The following PEAK1 variants were observed in gnomAD, a reference collection of about 807,000 sequenced individuals.
PEAK1 encodes pseudopodium enriched atypical kinase 1.
A neutral mutation model predicts 124.7 loss-of-function variants in PEAK1; 54 were observed. That is an observed-to-expected ratio of 0.43 (90% confidence interval 0.35 to 0.54). PEAK1 has a LOEUF of 0.54. PEAK1 is among the 20% of genes least tolerant of loss of function. The pLI, the probability that PEAK1 is intolerant of heterozygous loss-of-function variation, is 0.01. For synonymous variants in PEAK1, 719 were observed against 760.0 expected (o/e 0.95, Z 0.89); for missense variants, 2,046 against 2,134.5 (o/e 0.96, Z 0.82).
chr15:77,150,551 G>A (rs921864103), intron 8 of PEAK1, among the ~76,000 whole-genome samples: 1 of 151,876 alleles, frequency 6.6e-6, no homozygotes, highest in African/African-American at 2.4e-5. Context: ...TAGGGTACAT[G>A]TGCACAAAGT....
intron 1 of PEAK1, among the ~76,000 whole-genome samples, chr15:77,365,555 T>C (rs534506163): frequency 1.3e-5 from 2 of 152,226 alleles, no homozygotes; most frequent in South Asian, 2.1e-4. Context: ...CTGGCCAATG[T>C]GGCGAAACCG....
intron 1 of PEAK1, among the ~76,000 whole-genome samples, chr15:77,400,542 TG>T (rs571436719): frequency 5.8e-4 from 89 of 152,162 alleles, no homozygotes; most frequent in South Asian, 2.3e-3. Context: ...TTATGTTATG[TG>T]AAATAAGCCA....
chr15:77,284,918 ACAC>A (rs1303443937), intron 4 of PEAK1, 37 bp downstream of exon 4: 3 of 152,658 alleles, frequency 2.0e-5, no homozygotes, highest in African/African-American at 7.3e-5. Context: ...ACACACACAC[ACAC>A]ACACACACAC....
At chr15:77,295,901 A>G (rs1271293388) in intron 2 of PEAK1, among the ~76,000 whole-genome samples, 1 of 152,188 alleles carries the variant, frequency 6.6e-6, no homozygotes, top group Non-Finnish European at 1.5e-5. Flanking sequence ...TCAACAGTGA[A>G]TATTTCTTCT....
chr15:77,340,305 C>G lies in PEAK1; in HGVS notation c.-603+24858G>C, dbSNP rs183062985. On this transcript the variant is annotated intron_variant, in intron 2 of 9. Transcript: ENST00000682557. Reference sequence around the variant, plus strand: ...TCAGGAATAAAAATAAATGAACTATCAAACCATAGAACATACAGGAAGCTT... The same window carrying G: ...TCAGGAATAAAAATAAATGAACTATGAAACCATAGAACATACAGGAAGCTT... Among the ~76,000 whole-genome samples the G allele has an allele frequency of 2.0e-3, 309 of 152,230 alleles. 3 individuals are homozygous for G. The Middle Eastern group carries it at 0.041, about 20-fold the overall frequency.
chr15:77,169,450 G>A (rs187718399), intron 7 of PEAK1, among the ~76,000 whole-genome samples: 1 of 152,276 alleles, frequency 6.6e-6, no homozygotes, highest in African/African-American at 2.4e-5. Context: ...ATAACCAAGT[G>A]TTATTGGTTA....
intron 5 of PEAK1, among the ~76,000 whole-genome samples, chr15:77,265,944 A>C (rs2152947555): frequency 6.6e-6 from 1 of 152,346 alleles, no homozygotes; most frequent in African/African-American, 2.4e-5. Context: ...TGAGGAGTTC[A>C]TGTCCTTTGT....
chr15:77,215,575 TA>T (rs1211506373), intron 6 of PEAK1, among the ~76,000 whole-genome samples: 1 of 152,146 alleles, frequency 6.6e-6, no homozygotes, highest in Non-Finnish European at 1.5e-5. Context: ...GGAATGACAA[TA>T]AAAAGTCTGT....
intron 5 of PEAK1, among the ~76,000 whole-genome samples, chr15:77,279,405 C>T (rs985309536): frequency 1.3e-5 from 2 of 152,104 alleles, no homozygotes; most frequent in African/African-American, 4.8e-5. Context: ...ATAGACTTAA[C>T]TCCCTTTAAC....
Position 77,113,679 on chromosome 15 carries a change from T to C in PEAK1, c.*477A>G, listed in dbSNP as rs1867781. On this transcript the variant is annotated 3_prime_UTR_variant, in exon 10 of 10. Coordinates refer to ENST00000682557, the MANE Select transcript of PEAK1 (RefSeq NM_001385026.1). ...GCAGTCCTGCCTAGTAAGTCAGTTG[T>C]TGACACCTTAAAGGAAGAGTCTGTT... 836 of 160,318 alleles carry C rather than the reference T, an allele frequency of 5.2e-3. 8 individuals carry two copies. The highest frequency in any genetic ancestry group is 0.019 in the African/African-American group (784 of 41,642). The allele number at this position is 160,318 out of a possible 1,614,324, so 9.9% of individuals were successfully genotyped here.
rs1596486333 is a variant in PEAK1, at chr15:77,179,373, T to G, written c.2554A>C (p.Thr852Pro). ...GTCACTAATTTGGAGGGAGAGGGGG[T>G]GACTGGCTTTATGGATGGGTCTTTC... is the stretch of plus-strand genomic sequence containing the variant. ...VQKDPSIKPV[T>P]PSPSKLVTSP... The change falls in exon 7 of 10, where the codon ACC (threonine) becomes CCC (proline). Residue 852 changes from threonine to proline, a missense_variant. Transcript: ENST00000682557. 6.2e-7 allele frequency: 1 copy of G among 1,613,484 alleles called. No homozygotes were observed. The highest frequency in any genetic ancestry group is 1.3e-5 in the African/African-American group (1 of 74,698).
intron 1 of PEAK1, among the ~76,000 whole-genome samples, chr15:77,368,328 CAACATTATGA>C (rs1242805999): frequency 6.6e-6 from 1 of 151,924 alleles, no homozygotes; most frequent in Non-Finnish European, 1.5e-5. Flanking sequence ...CCAGCCTGGC[CAACATTATGA>C]AACCCCGTCT....
At chr15:77,125,673 AC>A (rs1450842135) in intron 9 of PEAK1, among the ~76,000 whole-genome samples, 1 of 152,222 alleles carries the variant, frequency 6.6e-6, no homozygotes, top group East Asian at 1.9e-4. Flanking sequence ...ACAGATTTAA[AC>A]CCAGGTCTGT....
At chr15:77,287,497 G>T (rs537105099) in intron 2 of PEAK1, among the ~76,000 whole-genome samples, 1 of 152,270 alleles carries the variant, frequency 6.6e-6, no homozygotes, top group South Asian at 2.1e-4. Context: ...AAAGGATAAA[G>T]TTGTCCTCCT....
chr15:77,171,160 T>C (rs774340814), intron 7 of PEAK1, among the ~76,000 whole-genome samples: 3 of 152,178 alleles, frequency 2.0e-5, no homozygotes, highest in South Asian at 2.1e-4. Context: ...ATCTACAAGA[T>C]AAAAGCCAAA....
intron 9 of PEAK1, among the ~76,000 whole-genome samples, chr15:77,128,893 G>A (rs961866900): frequency 6.6e-6 from 1 of 152,178 alleles, no homozygotes; most frequent in Non-Finnish European, 1.5e-5. Context: ...GGAGCTGTTG[G>A]AATGTGTTTT....
chr15:77,369,349 G>A (rs144853364), intron 1 of PEAK1, among the ~76,000 whole-genome samples: 1 of 152,064 alleles, frequency 6.6e-6, no homozygotes, highest in Non-Finnish European at 1.5e-5. Flanking sequence ...TTAGCTTCTC[G>A]ACCCTTAGAA....
intron 2 of PEAK1, chr15:77,333,345 A>G: frequency 1.0e-6 from 1 of 983,110 alleles, no homozygotes; most frequent in Non-Finnish European, 1.2e-6. Flanking sequence ...ACTTCTATAT[A>G]CAACCAACAT....
chr15:77,329,318 C>T (rs2065764695), intron 2 of PEAK1, among the ~76,000 whole-genome samples: 1 of 152,150 alleles, frequency 6.6e-6, no homozygotes, highest in Non-Finnish European at 1.5e-5. Context: ...TCAACCTTAC[C>T]ACTGAAAGCA....
Sources: allele counts gnomAD v4.1 joint callset (sites outside exome capture counted in the v4.1 genomes callset), GRCh38; gene constraint gnomAD v4.1.1; transcripts MANE v1.5; gene names NCBI Gene and HGNC (gene_info 2026-07-23, HGNC 2026-07-21).